Variants in RNF113B observed in about 807,000 individuals in gnomAD.
RNF113B encodes the protein zinc finger protein 183-like 1.
In RNF113B, 12 loss-of-function variants were observed where a neutral mutation model predicts 22.2. The ratio of observed to expected loss-of-function variants is 0.54; its 90% CI spans 0.35 to 0.87. RNF113B has a LOEUF of 0.87. RNF113B is among the 40% of genes least tolerant of loss of function. The pLI is 0.01. For synonymous variants in RNF113B, 194 were observed against 184.6 expected (o/e 1.05, Z -0.41); for missense variants, 442 against 455.4 (o/e 0.97, Z 0.27).
At position 98,176,702 on chromosome 13, in the gene RNF113B, C is replaced by G. The variant is rs754458745; in HGVS notation, c.535G>C (p.Ala179Pro). 29 of 1,614,122 alleles carry G rather than the reference C, an allele frequency of 1.8e-5. No individual in the cohort carries two copies. Among genetic ancestry groups the G allele is most frequent in the Non-Finnish European group, 2.4e-5 (28 of 1,180,020 alleles). The change falls in exon 1 of 2, where the codon GCG (alanine) becomes CCG (proline). Residue 179 changes from alanine to proline, a missense_variant. Ala to Pro is a conservative substitution (Grantham distance 27). Transcript: ENST00000267291. The surrounding 1 kb of genome is among the most constrained non-coding windows in gnomAD (Gnocchi z 6.2). ...ACAGTGGCGCGCAGATGCCCTGGCG[C>G]ACGTATGGGGCCCTTCCTCGCCATC... ...SGMARKGPIR[A>P]PGHLRATVRW...
At position 98,176,806 on chromosome 13, in the gene RNF113B, T is replaced by C. The variant is rs1176631239; in HGVS notation, c.431A>G (p.Asp144Gly). 2 of 1,613,206 alleles carry C rather than the reference T, an allele frequency of 1.2e-6. No homozygotes were observed. The highest frequency in any genetic ancestry group is 2.2e-5 in the East Asian group (1 of 44,776). ...VQEALRGREH[D>G]HIYRGIHSYL... ...GCTGTGGATTCCCCGGTAGATGTGG[T>C]CGTGCTCCCGACCCCGCAGTGCCTC... is the stretch of plus-strand genomic sequence containing the variant. The change falls in exon 1 of 2, where the codon GAC becomes GGC. Residue 144 changes from aspartate (D) to glycine (G), a missense_variant. Coordinates refer to ENST00000267291, the MANE Select transcript of RNF113B (RefSeq NM_178861.5). The surrounding 1 kb of genome is among the most constrained non-coding windows in gnomAD (Gnocchi z 6.2).
In RNF113B at chr13:98,176,364, G is replaced by A. The variant is rs1376546443; in HGVS notation, c.873C>T (p.Tyr291=). 6.2e-6 allele frequency: 10 copies of A among 1,614,108 alleles called. No individual in the cohort carries two copies. The highest frequency in any genetic ancestry group is 8.5e-6 in the Non-Finnish European group (10 of 1,180,040). Residue 291 remains tyrosine, a synonymous_variant, in exon 1 of 2, where the codon TAC becomes TAT. Transcript: ENST00000267291. This position sits in a 1 kb window ranked among gnomAD's most constrained non-coding sequence, Gnocchi z 6.2. Reference sequence around the variant, plus strand: ...TGCCGCCGGTTGGCTGGTCACAGATGTAGCAGCGCGGGGTGGCCCGGAAGT... The same window carrying A: ...TGCCGCCGGTTGGCTGGTCACAGATATAGCAGCGCGGGGTGGCCCGGAAGT... ...LEHFRATPRC[Y]ICDQPTGGIF...
At position 98,176,026 on chromosome 13, in the gene RNF113B, G is replaced by T; in HGVS notation, c.*137C>A. 1.3e-6 allele frequency: 1 copy of T among 795,530 alleles called. No homozygotes were observed. The highest frequency in any genetic ancestry group is 2.1e-6 in the Non-Finnish European group (1 of 479,030). The allele number at this position is 795,530 out of a possible 1,614,324, so 49.3% of individuals were successfully genotyped here. On this transcript the variant is annotated 3_prime_UTR_variant, in exon 2 of 2. Coordinates refer to ENST00000267291, the MANE Select transcript of RNF113B (RefSeq NM_178861.5). The surrounding 1 kb of genome is among the most constrained non-coding windows in gnomAD (Gnocchi z 6.2). ...ATAATTCTGCAGTGAACATGGGAGT[G>T]CACATACCTCTTTGAGATCCGGATT...
chr13:98,177,034 C>A lies in RNF113B; in HGVS notation c.203G>T (p.Gly68Val). ...QPPRVAPRPR[G>V]LHSWQKAAHG... Reference sequence around the variant, plus strand: ...AGCCGCCTTCTGCCAGCTGTGGAGGCCCCGGGGCCTCGGTGCCACCCGCGG... The same window carrying A: ...AGCCGCCTTCTGCCAGCTGTGGAGGACCCGGGGCCTCGGTGCCACCCGCGG... The change falls in exon 1 of 2, where the codon GGC becomes GTC. Residue 68 changes from glycine (G) to valine (V), a missense_variant. Gly to Val is a moderately radical substitution (Grantham distance 109). Transcript: ENST00000267291. 1 of 1,594,672 alleles carries A rather than the reference C, an allele frequency of 6.3e-7. No homozygotes were observed. Among genetic ancestry groups the A allele is most frequent in the Non-Finnish European group, 8.5e-7 (1 of 1,177,336 alleles).
rs1349431455 is a variant in RNF113B at position 98,177,056 on chromosome 13, G to A, written c.181C>T (p.Arg61Trp). Residue 61 changes from arginine to tryptophan, a missense_variant, in exon 1 of 2, where the codon CGG (arginine) becomes TGG (tryptophan). Physicochemically the swap from Arg to Trp is moderately radical, Grantham distance 101 (BLOSUM62 -3). Coordinates refer to ENST00000267291, the MANE Select transcript of RNF113B (RefSeq NM_178861.5). Reference protein sequence around the residue: ...DEGDTVAQPPRVAPRPRGLHS... With the variant: ...DEGDTVAQPPWVAPRPRGLHS... Reference sequence around the variant, plus strand: ...AGGCCCCGGGGCCTCGGTGCCACCCGCGGGGGCTGAGCCACTGTGTCGCCC... The same window carrying A: ...AGGCCCCGGGGCCTCGGTGCCACCCACGGGGGCTGAGCCACTGTGTCGCCC... The A allele has an allele frequency of 1.3e-6, 2 of 1,594,764 alleles. No homozygotes were observed. Among genetic ancestry groups the A allele is most frequent in the Non-Finnish European group, 1.7e-6 (2 of 1,177,638 alleles).
chr13:98,176,265 A>G lies in RNF113B; in HGVS notation c.955+17T>C. The G allele has an allele frequency of 1.2e-6, 2 of 1,611,316 alleles. No homozygotes were observed. Among genetic ancestry groups the G allele is most frequent in the South Asian group, 1.1e-5 (1 of 90,850 alleles). ...GACACTCATGGGGGTCTTCTGTGAA[A>G]TGGGACTTGCCCCCACCTTCTGCAG... On this transcript the variant is annotated intron_variant, in intron 1 of 1. Coordinates refer to ENST00000267291, the MANE Select transcript of RNF113B (RefSeq NM_178861.5). The surrounding 1 kb of genome is among the most constrained non-coding windows in gnomAD (Gnocchi z 6.2).
At position 98,176,582 on chromosome 13, in the gene RNF113B, C is replaced by T. The variant is rs1365800450; in HGVS notation, c.655G>A (p.Asp219Asn). The T allele has an allele frequency of 1.2e-6, 2 of 1,614,100 alleles. No individual in the cohort carries two copies. The highest frequency in any genetic ancestry group is 2.2e-5 in the East Asian group (1 of 44,892). ...DSCKFLHDRS[D>N]YKLGWEIERE... ...TCAATCTCCCACCCGAGCTTGTAAT[C>T]GGAACGGTCGTGGAGGAATTTGCAG... The change falls in exon 1 of 2, where the codon GAT becomes AAT. Residue 219 changes from aspartate to asparagine, a missense_variant. Coordinates refer to ENST00000267291, the MANE Select transcript of RNF113B (RefSeq NM_178861.5). This position sits in a 1 kb window ranked among gnomAD's most constrained non-coding sequence, Gnocchi z 6.2.
rs754829186 is a variant in RNF113B, at chr13:98,177,204, G to A, written c.33C>T (p.Ala11=). The change falls in exon 1 of 2, where the codon GCC becomes GCT. Residue 11 remains alanine (A), a synonymous_variant. Coordinates refer to ENST00000267291, the MANE Select transcript of RNF113B (RefSeq NM_178861.5). Reference sequence around the variant, plus strand: ...AGGTGCATACCTGGTCTGCTTGGTCGGCCGTCCTTCCTGGAGAAGGTGGCG... The same window carrying A: ...AGGTGCATACCTGGTCTGCTTGGTCAGCCGTCCTTCCTGGAGAAGGTGGCG... MAAPPSPGRT[A]DQADQVCTFL... The A allele has an allele frequency of 6.4e-7, 1 of 1,573,192 alleles. No individual in the cohort carries two copies. The highest frequency in any genetic ancestry group is 1.1e-5 in the South Asian group (1 of 87,198).
chr13:98,176,761 G>C lies in RNF113B; in HGVS notation c.476C>G (p.Pro159Arg), dbSNP rs768653186. ...GIHSYLRYLK[P>R]KDTSMGNSSS... The stretch of plus-strand genomic sequence containing the variant: ...GGAGTTGCCCATGGACGTGTCCTTG[G>C]GCTTCAGGTACCTCAGGTAGCTGTG... The change falls in exon 1 of 2, where the codon CCC (proline) becomes CGC (arginine). Residue 159 changes from proline (P) to arginine (R), a missense_variant. By Grantham distance (103) the Pro-to-Arg change is moderately radical. Transcript: ENST00000267291. This position sits in a 1 kb window ranked among gnomAD's most constrained non-coding sequence, Gnocchi z 6.2. 1 of 1,614,002 alleles carries C rather than the reference G, an allele frequency of 6.2e-7. No individual in the cohort carries two copies.
At position 98,176,865 on chromosome 13, in the gene RNF113B, C is replaced by T. The variant is rs1266642411; in HGVS notation, c.372G>A (p.Thr124=). ...GCTGGCTGCACTTGAGGATGGTCGG[C>T]GTATGGTGCTCCTTCTCGGTGTCCT... ...FEQDTEKEHH[T]PTILKCSQRV... Residue 124 remains threonine (T), a synonymous_variant, in exon 1 of 2, where the codon ACG becomes ACA. Coordinates refer to ENST00000267291, the MANE Select transcript of RNF113B (RefSeq NM_178861.5). This position sits in a 1 kb window ranked among gnomAD's most constrained non-coding sequence, Gnocchi z 6.2. The T allele has an allele frequency of 1.9e-6, 3 of 1,609,212 alleles. No individual in the cohort carries two copies. The highest frequency in any genetic ancestry group is 1.7e-6 in the Non-Finnish European group (2 of 1,179,974).
Position 98,176,030 on chromosome 13 carries a change from A to T in RNF113B, c.*133T>A. The T allele has an allele frequency of 1.2e-6, 1 of 833,494 alleles. No homozygotes were observed. The highest frequency in any genetic ancestry group is 2.0e-6 in the Non-Finnish European group (1 of 511,038). 51.6% of individuals were successfully genotyped at this position (833,494 alleles called of 1,614,324 possible). On this transcript the variant is annotated 3_prime_UTR_variant, in exon 2 of 2. Coordinates refer to ENST00000267291, the MANE Select transcript of RNF113B (RefSeq NM_178861.5). This position sits in a 1 kb window ranked among gnomAD's most constrained non-coding sequence, Gnocchi z 6.2. Reference sequence around the variant, plus strand: ...TTCTGCAGTGAACATGGGAGTGCACATACCTCTTTGAGATCCGGATTTCAA... The same window carrying T: ...TTCTGCAGTGAACATGGGAGTGCACTTACCTCTTTGAGATCCGGATTTCAA...
chr13:98,175,937 A>G lies in RNF113B; in HGVS notation c.*226T>C, dbSNP rs1877980563. The G allele has an allele frequency of 8.8e-6, 5 of 565,316 alleles. No individual in the cohort carries two copies. The highest frequency in any genetic ancestry group is 3.8e-5 in the African/African-American group (2 of 53,234). 35.0% of individuals were successfully genotyped at this position (565,316 alleles called of 1,614,324 possible). On this transcript the variant is annotated 3_prime_UTR_variant, in exon 2 of 2. Coordinates refer to ENST00000267291, the MANE Select transcript of RNF113B (RefSeq NM_178861.5). Reference sequence around the variant, plus strand: ...GCATTCCATTGTGTGTGTGTATCGCATTTTGTTTGTCCATTCATCCATCCA... The same window carrying G: ...GCATTCCATTGTGTGTGTGTATCGCGTTTTGTTTGTCCATTCATCCATCCA...
Position 98,176,649 on chromosome 13 carries a change from G to C in RNF113B, c.588C>G (p.Cys196Trp), listed in dbSNP as rs781523845. Residue 196 changes from cysteine (C) to tryptophan (W), a missense_variant, in exon 1 of 2, where the codon TGC becomes TGG. Cys to Trp is a radical substitution (Grantham distance 215, BLOSUM62 -2). Transcript: ENST00000267291. This position sits in a 1 kb window ranked among gnomAD's most constrained non-coding sequence, Gnocchi z 6.2. Reference protein sequence around the residue: ...TVRWDYQPDICKDYKETGFCG... With the variant: ...TVRWDYQPDIWKDYKETGFCG... ...AGAAGCCAGTCTCCTTGTAGTCCTTGCAGATGTCAGGCTGGTAATCCCAGC... is the reference window on the plus strand; with the variant it reads ...AGAAGCCAGTCTCCTTGTAGTCCTTCCAGATGTCAGGCTGGTAATCCCAGC... 6.2e-7 allele frequency: 1 copy of C among 1,614,218 alleles called. No individual in the cohort carries two copies. Among genetic ancestry groups the C allele is most frequent in the Admixed American group, 1.7e-5 (1 of 60,026 alleles).
chr13:98,175,903 G>T lies in RNF113B; in HGVS notation c.*260C>A, dbSNP rs547175983. On this transcript the variant is annotated 3_prime_UTR_variant, in exon 2 of 2. Transcript: ENST00000267291. ...TTTAAAAGGATTTCCTTCCCGTTAAGGCTTAATAGCATTCCATTGTGTGTG... is the reference window on the plus strand; with the variant it reads ...TTTAAAAGGATTTCCTTCCCGTTAATGCTTAATAGCATTCCATTGTGTGTG... The T allele has an allele frequency of 1.9e-4, 93 of 501,580 alleles. No individual in the cohort carries two copies. The highest frequency in any genetic ancestry group is 7.4e-5 in the Non-Finnish European group (21 of 283,292). 31.1% of individuals were successfully genotyped at this position (501,580 alleles called of 1,614,324 possible). A position where few individuals can be genotyped will look rare whatever the true frequency, so the allele number is the denominator to read the frequency against.
Position 98,177,071 on chromosome 13 carries a change from C to CT in RNF113B, c.165dup (p.Val56SerfsTer33). On this transcript the variant is annotated frameshift_variant, in exon 1 of 2. Transcript: ENST00000267291. LOFTEE classifies it high-confidence loss of function. ...GGTGCCACCCGCGGGGGCTGAGCCA[C>CT]TGTGTCGCCCTCGTCCCCGCTGCTG... 6.3e-7 allele frequency: 1 copy of CT among 1,597,024 alleles called. No homozygotes were observed. The highest frequency in any genetic ancestry group is 8.5e-7 in the Non-Finnish European group (1 of 1,178,718).
In RNF113B at chr13:98,176,640, G is replaced by C; in HGVS notation, c.597C>G (p.Tyr199Ter). Residue 199 changes from tyrosine (Y) to a stop codon, truncating the protein, a stop_gained, in exon 1 of 2, where the codon TAC (tyrosine) becomes TAG (stop). Coordinates refer to ENST00000267291, the MANE Select transcript of RNF113B (RefSeq NM_178861.5). LOFTEE classifies it high-confidence loss of function. The surrounding 1 kb of genome is among the most constrained non-coding windows in gnomAD (Gnocchi z 6.2). The stretch of plus-strand genomic sequence containing the variant: ...CGAAGCCACAGAAGCCAGTCTCCTT[G>C]TAGTCCTTGCAGATGTCAGGCTGGT... ...WDYQPDICKDYKETGFCGFGD... is the reference protein window; with the variant it reads ...WDYQPDICKD The C allele has an allele frequency of 6.2e-7, 1 of 1,614,222 alleles. No individual in the cohort carries two copies. Among genetic ancestry groups the C allele is most frequent in the Non-Finnish European group, 8.5e-7 (1 of 1,180,040 alleles).
Position 98,176,958 on chromosome 13 carries a change from C to T in RNF113B, c.279G>A (p.Val93=). The T allele has an allele frequency of 6.2e-7, 1 of 1,601,536 alleles. No individual in the cohort carries two copies. Residue 93 remains valine, a synonymous_variant, in exon 1 of 2, where the codon GTG becomes GTA. Coordinates refer to ENST00000267291, the MANE Select transcript of RNF113B (RefSeq NM_178861.5). This position sits in a 1 kb window ranked among gnomAD's most constrained non-coding sequence, Gnocchi z 6.2. ...GCTTCGCCGAGCGGGTGGACCTGTA[C>T]ACCACGTCGAGGCTCTCAGGCGCCG... ...EEAAPESLDV[V]YRSTRSAKPV...
rs767634227 is a variant in RNF113B at position 98,176,202 on chromosome 13, A to T, written c.956-26T>A. 1.2e-6 allele frequency: 2 copies of T among 1,609,998 alleles called. No homozygotes were observed. Among genetic ancestry groups the T allele is most frequent in the South Asian group, 2.2e-5 (2 of 90,800 alleles). On this transcript the variant is annotated intron_variant, in intron 1 of 1. Coordinates refer to ENST00000267291, the MANE Select transcript of RNF113B (RefSeq NM_178861.5). The surrounding 1 kb of genome is among the most constrained non-coding windows in gnomAD (Gnocchi z 6.2). The stretch of plus-strand genomic sequence containing the variant: ...CTAAAAGAACAAAAAAATTTATTTA[A>T]ATGTGAGAATTATGGGAAACCTAAG...
Position 98,176,473 on chromosome 13 carries a change from C to T in RNF113B, c.764G>A (p.Arg255Lys), listed in dbSNP as rs199776079. 499 of 1,614,100 alleles carry T rather than the reference C, an allele frequency of 3.1e-4. 1 individual carries two copies. The highest frequency in any genetic ancestry group is 3.3e-4 in the Middle Eastern group (2 of 6,084). Residue 255 changes from arginine to lysine, a missense_variant, in exon 1 of 2, where the codon AGG becomes AAG. Coordinates refer to ENST00000267291, the MANE Select transcript of RNF113B (RefSeq NM_178861.5). This position sits in a 1 kb window ranked among gnomAD's most constrained non-coding sequence, Gnocchi z 6.2. ...GAAGGCCTGGCGACATATGAAACAC[C>T]TGAATGGTATTTCCTCTTCCTCGCT... is the stretch of plus-strand genomic sequence containing the variant. ...VGSEEEEIPF[R>K]CFICRQAFQN...
Sources: allele counts gnomAD v4.1 joint callset, GRCh38; gene constraint gnomAD v4.1.1; non-coding constraint Gnocchi (gnomAD v3.1); transcripts MANE v1.5; gene names NCBI Gene and HGNC (gene_info 2026-07-23, HGNC 2026-07-21).